The following TEKTIP1 variants were observed in gnomAD, a reference collection of about 807,000 sequenced individuals.
TEKTIP1 encodes the protein tektin bundle-interacting protein 1.
the TEKTIP1 span, among the ~76,000 whole-genome samples, chr19:3,541,168 CAAAA>C: frequency 6.9e-5 from 6 of 87,180 alleles, no homozygotes; most frequent in Non-Finnish European, 1.1e-4. Flanking sequence ...GACTCTGTCT[CAAAA>C]AAAAAAAAAA....
the TEKTIP1 span, chr19:3,542,217 C>T: frequency 1.9e-5 from 19 of 985,196 alleles, no homozygotes; most frequent in Admixed American, 6.2e-5. Flanking sequence ...GTGGAAAAGC[C>T]GAGTCTATGT....
chr19:3,543,511 C>A, the TEKTIP1 span: 1 of 1,479,648 alleles, frequency 6.8e-7, no homozygotes, highest in Non-Finnish European at 9.0e-7. Flanking sequence ...AGCGGGCCTG[C>A]CAGAGGGGGA....
chr19:3,543,114 G>T, the TEKTIP1 span: 2 of 1,524,632 alleles, frequency 1.3e-6, no homozygotes, highest in Non-Finnish European at 1.8e-6. Flanking sequence ...CAAGTGGCGA[G>T]GGAGGGAGAC....
At chr19:3,543,364 C>A in the TEKTIP1 span, 6 of 1,549,350 alleles carry the variant, frequency 3.9e-6, no homozygotes, top group Non-Finnish European at 4.4e-6. Flanking sequence ...CCAACTCGGA[C>A]GCCTGGGAAG....
chr19:3,542,513 G>T, the TEKTIP1 span: 3 of 956,746 alleles, frequency 3.1e-6, no homozygotes, highest in Non-Finnish European at 3.7e-6. Flanking sequence ...TCACTCTGTT[G>T]CCCAGGCTGG....
the TEKTIP1 span, chr19:3,543,878 C>A: frequency 5.8e-6 from 9 of 1,550,310 alleles, no homozygotes; most frequent in Non-Finnish European, 7.9e-6. Flanking sequence ...GGGCATCAGA[C>A]TACGTGCCCT....
chr19:3,541,840 G>GCT, the TEKTIP1 span: 1 of 964,940 alleles, frequency 1.0e-6, no homozygotes, highest in African/African-American at 1.8e-5. Flanking sequence ...ACAGAGTCTC[G>GCT]CTCTCTCACC....
chr19:3,543,557 T>C, the TEKTIP1 span: 1 of 1,433,680 alleles, frequency 7.0e-7, no homozygotes, highest in Non-Finnish European at 9.3e-7. Flanking sequence ...CACCGCAGCC[T>C]ACACCCAGCA....
chr19:3,540,313 A>G, the TEKTIP1 span, among the ~76,000 whole-genome samples: 1 of 150,828 alleles, frequency 6.6e-6, no homozygotes, highest in Non-Finnish European at 1.5e-5. Context: ...ACTGGAACGC[A>G]ATGGTGCAAT....
the TEKTIP1 span, chr19:3,542,689 G>T: frequency 8.1e-7 from 1 of 1,236,548 alleles, no homozygotes. Context: ...TACCATGCTG[G>T]CCAGGCTGGT....
At chr19:3,542,267 C>A in the TEKTIP1 span, 33 of 985,310 alleles carry the variant, frequency 3.3e-5, no homozygotes, top group Non-Finnish European at 3.7e-5. Flanking sequence ...CCAGGCTACT[C>A]CCATGTTCTG....
At chr19:3,542,162 ATT>A in the TEKTIP1 span, 28 of 985,378 alleles carry the variant, frequency 2.8e-5, no homozygotes, top group Non-Finnish European at 3.4e-5. Context: ...CTTGCAATTC[ATT>A]TCAAAAGGGT....
the TEKTIP1 span, among the ~76,000 whole-genome samples, chr19:3,540,409 T>C: frequency 4.6e-5 from 7 of 151,606 alleles, no homozygotes; most frequent in Admixed American, 1.3e-4. Flanking sequence ...AGGCATGCGC[T>C]ACCATGCCCA....
the TEKTIP1 span, chr19:3,543,162 G>A: frequency 6.8e-5 from 103 of 1,517,666 alleles, no homozygotes; most frequent in Middle Eastern, 5.9e-4. Flanking sequence ...CATCCACCCT[G>A]GCAGACATCG....
chr19:3,541,765 G>C, the TEKTIP1 span: 2 of 985,334 alleles, frequency 2.0e-6, no homozygotes, highest in Non-Finnish European at 2.4e-6. Context: ...GTACGGGGCC[G>C]ACAGCAGGGG....
chr19:3,542,622 C>A, the TEKTIP1 span: 1 of 774,880 alleles, frequency 1.3e-6, no homozygotes, highest in Non-Finnish European at 1.6e-6. Flanking sequence ...TACAGGTGCC[C>A]CCCGCCCCCA....
At chr19:3,542,935 G>A in the TEKTIP1 span, 7 of 1,476,324 alleles carry the variant, frequency 4.7e-6, no homozygotes, top group African/African-American at 8.4e-5. Flanking sequence ...GGAGTAGCCA[G>A]GGCCCTTGTC....
At chr19:3,543,672 AGGAATAC>A in the TEKTIP1 span, 83 of 1,538,334 alleles carry the variant, frequency 5.4e-5, no homozygotes, top group Non-Finnish European at 7.0e-5. Context: ...ATCCGGGGCA[AGGAATAC>A]GGTGAGGCTA....
chr19:3,541,430 C>A, the TEKTIP1 span: 1 of 151,676 alleles, frequency 6.6e-6, no homozygotes, highest in Non-Finnish European at 1.5e-5. Flanking sequence ...TCTAGCGATT[C>A]TCCTGCCTCA....
Sources: allele counts gnomAD v4.1 joint callset (sites outside exome capture counted in the v4.1 genomes callset), GRCh38; gene constraint gnomAD v4.1.1; transcripts MANE v1.5; gene names NCBI Gene and HGNC (gene_info 2026-07-23, HGNC 2026-07-21).